MELK: variants seen among roughly 807,000 people sequenced by gnomAD.
MELK encodes maternal embryonic leucine zipper kinase, also known as pEg3 kinase.
Under a neutral mutation model 85.0 loss-of-function variants are expected in MELK, and 81 were observed. The observed-to-expected ratio is 0.95, with a 90% confidence interval of 0.80 to 1.15. The LOEUF (loss-of-function observed/expected upper bound fraction) is 1.15. MELK is among the 50% of genes most tolerant of loss of function. The pLI is 0.00. For synonymous variants in MELK, 252 were observed against 265.0 expected (o/e 0.95, Z 0.48); for missense variants, 754 against 777.5 (o/e 0.97, Z 0.36).
chr9:36,655,651 T>C (rs10973013), intron 12 of MELK, among the ~76,000 whole-genome samples: 125,121 of 152,154 alleles, frequency 0.82, 52,327 homozygotes, highest in Non-Finnish European at 0.9. Context: ...TACGATTGTT[T>C]AGTCAGGGGT....
At chr9:36,666,853 TTG>T (rs5897643) in intron 14 of MELK, among the ~76,000 whole-genome samples, 1,953 of 130,746 alleles carry the variant, frequency 0.015, 25 homozygotes, top group African/African-American at 0.028. Flanking sequence ...ATGTCTGTGT[TTG>T]TGTGTGTGTG....
At chr9:36,617,229 A>G (rs2136129256) in intron 8 of MELK, among the ~76,000 whole-genome samples, 2 of 152,286 alleles carry the variant, frequency 1.3e-5, no homozygotes, top group South Asian at 4.1e-4. Flanking sequence ...CCCCCCACCA[A>G]TACAGTGTAT....
In MELK at chr9:36,642,977, T is replaced by G; in HGVS notation, c.835-20T>G. ...TATTTGTAATTTTTTGTTAATAAAG[T>G]GCATAATTTTTTTTTGTAGTTTATT... On this transcript the variant is annotated intron_variant, in intron 10 of 17. Transcript: ENST00000298048. The G allele has an allele frequency of 2.5e-6, 4 of 1,574,260 alleles. No individual in the cohort carries two copies. The highest frequency in any genetic ancestry group is 3.5e-6 in the Non-Finnish European group (4 of 1,153,458).
In MELK at chr9:36,607,667, G is replaced by A; in HGVS notation, c.660G>A (p.Lys220=). 1 of 1,588,916 alleles carries A rather than the reference G, an allele frequency of 6.3e-7. No individual in the cohort carries two copies. Among genetic ancestry groups the A allele is most frequent in the Non-Finnish European group, 8.6e-7 (1 of 1,157,346 alleles). ...ATAATGTAATGGCTTTATACAAGAA[G>A]ATTATGGTGAGTATTACAAGGCATA... The part of the protein sequence containing the change: ...DDDNVMALYK[K]IMRGKYDVPK... The change falls in exon 8 of 18, where the codon AAG becomes AAA. Residue 220 remains lysine, a synonymous_variant. Coordinates refer to ENST00000298048, the MANE Select transcript of MELK (RefSeq NM_014791.4).
At chr9:36,582,579 T>C (rs1256871944) in intron 2 of MELK, among the ~76,000 whole-genome samples, 1 of 152,184 alleles carries the variant, frequency 6.6e-6, no homozygotes, top group African/African-American at 2.4e-5. Flanking sequence ...TAGTAAAATA[T>C]GCAAAGTGCA....
intron 10 of MELK, among the ~76,000 whole-genome samples, chr9:36,634,683 G>A (rs1004857001): frequency 2.6e-5 from 4 of 151,708 alleles, no homozygotes; most frequent in African/African-American, 7.3e-5. Flanking sequence ...CCAGCCTTGG[G>A]TGACAGAGCG....
chr9:36,573,550 G>A (rs986154593), intron 1 of MELK, among the ~76,000 whole-genome samples: 3 of 152,106 alleles, frequency 2.0e-5, no homozygotes, highest in African/African-American at 7.2e-5. Flanking sequence ...TTGTTGCCCA[G>A]GCTGGAGTGC....
intron 13 of MELK, 27 bp from the exon 14 acceptor site, chr9:36,665,323 C>T: frequency 6.9e-7 from 1 of 1,454,174 alleles, no homozygotes. Context: ...CTTCAGTGTG[C>T]TTTATCTAGT....
At chr9:36,594,490 G>A in intron 4 of MELK, 138 bp from the exon 5 acceptor site, 1 of 899,074 alleles carries the variant, frequency 1.1e-6, no homozygotes, top group South Asian at 1.9e-5. Flanking sequence ...GTGTACTTTT[G>A]AATATACCTT....
Position 36,627,995 on chromosome 9 carries a change from G to A in MELK, c.667-2304G>A, listed in dbSNP as rs191825688. On this transcript the variant is annotated intron_variant, in intron 8 of 17. Coordinates refer to ENST00000298048, the MANE Select transcript of MELK (RefSeq NM_014791.4). ...TGGCTCACTGCAACCTCCACCTCCC[G>A]GGTTCAAGTGATTTTTCTGCCTCAG... Among the ~76,000 whole-genome samples, 10 of 151,576 alleles carry A rather than the reference G, an allele frequency of 6.6e-5. No homozygotes were observed. The East Asian group carries it at 1.9e-3, about 29-fold the overall frequency.
At chr9:36,617,369 G>T (rs1023308068) in intron 8 of MELK, among the ~76,000 whole-genome samples, 2 of 149,930 alleles carry the variant, frequency 1.3e-5, no homozygotes, top group Non-Finnish European at 3.0e-5. Flanking sequence ...GTCTTGCTCT[G>T]TCACCCAGGC....
intron 8 of MELK, among the ~76,000 whole-genome samples, chr9:36,618,962 T>A (rs1178356624): frequency 2.1e-3 from 318 of 150,174 alleles, no homozygotes; most frequent in African/African-American, 7.3e-3. Context: ...TCTAAGTATT[T>A]TTTTTTTTTT....
rs748447962 is a variant in MELK at position 36,583,720 on chromosome 9, T to C, written c.144+8T>C. On this transcript the variant is annotated splice_region_variant and intron_variant, in intron 3 of 17. Transcript: ENST00000298048. ...GATAAAAACACACTAGGGGTAAGTT[T>C]AGATTTATTTAAAAAATAGTCCACT... 3.5e-5 allele frequency: 55 copies of C among 1,578,064 alleles called. No homozygotes were observed. In the Middle Eastern group the frequency reaches 8.4e-4, roughly 24 times the overall value.
intron 12 of MELK, among the ~76,000 whole-genome samples, chr9:36,652,483 G>A (rs562519528): frequency 2.0e-4 from 30 of 150,504 alleles, no homozygotes; most frequent in Non-Finnish European, 4.1e-4. Context: ...TGTAATCCCA[G>A]CACTTTGGGA....
intron 13 of MELK, among the ~76,000 whole-genome samples, chr9:36,660,940 G>C (rs2137642791): frequency 6.6e-6 from 1 of 152,284 alleles, no homozygotes; most frequent in South Asian, 2.1e-4. Flanking sequence ...GCAGTGAGCT[G>C]AGTTCACGCC....
intron 12 of MELK, among the ~76,000 whole-genome samples, chr9:36,653,146 T>C (rs1443260294): frequency 6.6e-6 from 1 of 152,162 alleles, no homozygotes; most frequent in Admixed American, 6.5e-5. Context: ...CTTTAAAAAA[T>C]TTTTTTGTTT....
Position 36,630,339 on chromosome 9 carries a change from G to A in MELK, c.707G>A (p.Ser236Asn), listed in dbSNP as rs376164595. 6 of 1,611,172 alleles carry A rather than the reference G, an allele frequency of 3.7e-6. No individual in the cohort carries two copies. The highest frequency in any genetic ancestry group is 1.7e-5 in the Admixed American group (1 of 59,962). Residue 236 changes from serine (S) to asparagine (N), a missense_variant, in exon 9 of 18, where the codon AGC (serine) becomes AAC (asparagine). Transcript: ENST00000298048. ...GTTCCCAAGTGGCTCTCTCCCAGTA[G>A]CATTCTGCTTCTTCAACAAATGCTG... is the stretch of plus-strand genomic sequence containing the variant. ...YDVPKWLSPSSILLLQQMLQV... is the reference protein window; with the variant it reads ...YDVPKWLSPSNILLLQQMLQV...
At chr9:36,613,433 C>G (rs1160650901) in intron 8 of MELK, among the ~76,000 whole-genome samples, 1 of 152,182 alleles carries the variant, frequency 6.6e-6, no homozygotes, top group Non-Finnish European at 1.5e-5. Flanking sequence ...GATGAAAGAT[C>G]CCTGTCCTCG....
At chr9:36,633,737 T>C (rs545052618) in intron 10 of MELK, among the ~76,000 whole-genome samples, 3 of 152,306 alleles carry the variant, frequency 2.0e-5, no homozygotes, top group Non-Finnish European at 2.9e-5. Flanking sequence ...AAGAATGACA[T>C]TGTTTTACAA....
Sources: gnomAD v4.1 joint callset for allele counts (sites outside exome capture counted in the v4.1 genomes callset) on GRCh38, gnomAD v4.1.1 for gene constraint, MANE v1.5 for transcripts, NCBI Gene and HGNC (gene_info 2026-07-23, HGNC 2026-07-21) for gene names.